Variants in KSR2 observed in about 807,000 individuals in gnomAD.
The protein encoded by KSR2 is kinase suppressor of ras 2.
In KSR2, 25 loss-of-function variants were observed where a neutral mutation model predicts 107.8. That is an observed-to-expected ratio of 0.23 (90% confidence interval 0.17 to 0.32). The LOEUF is 0.32. Ranked by LOEUF, KSR2 falls within the 10% of genes least tolerant of loss-of-function variation. The pLI, the probability that KSR2 is intolerant of heterozygous loss-of-function variation, is 1.00. For synonymous variants in KSR2, 480 were observed against 507.0 expected (o/e 0.95, Z 0.71); for missense variants, 887 against 1,268.9 (o/e 0.70, Z 4.57).
At position 117,936,521 on chromosome 12, in the gene KSR2, TTATTATTATTATTAGTAGTAGTAG is replaced by T. The variant is rs1257128454; in HGVS notation, c.180+31531_180+31554del. On this transcript the variant is annotated intron_variant, in intron 1 of 19. Transcript: ENST00000339824. ...TATCATTATTATTATTTTATTATTATTATTATTATTATTAGTAGTAGTAGTAGTAGTAGTAGTAGTAGTAGTAGT... is the reference window on the plus strand; with the variant it reads ...TATCATTATTATTATTTTATTATTATTAGTAGTAGTAGTAGTAGTAGTAGT... Among the ~76,000 whole-genome samples, 49 of 46,752 alleles carry T rather than the reference TTATTATTATTATTAGTAGTAGTAG, an allele frequency of 1.0e-3. 1 individual carries two copies. In the South Asian group the frequency reaches 0.033, roughly 32 times the overall value. 30.7% of individuals were successfully genotyped at this position (46,752 alleles called of 152,430 possible).
At chr12:117,803,595 C>G (rs922452409) in intron 3 of KSR2, among the ~76,000 whole-genome samples, 1 of 152,006 alleles carries the variant, frequency 6.6e-6, no homozygotes, top group Non-Finnish European at 1.5e-5. Context: ...CCCAGCTACT[C>G]GGTAGGCTGA....
intron 3 of KSR2, among the ~76,000 whole-genome samples, chr12:117,809,930 G>A (rs933605181): frequency 6.6e-6 from 1 of 152,216 alleles, no homozygotes; most frequent in African/African-American, 2.4e-5. Flanking sequence ...GATTCAGAAA[G>A]CAGAAAGTGA....
At chr12:117,580,516 C>T (rs1013758717) in intron 6 of KSR2, among the ~76,000 whole-genome samples, 7 of 152,202 alleles carry the variant, frequency 4.6e-5, no homozygotes, top group African/African-American at 1.7e-4. Flanking sequence ...TCAGCTCTGC[C>T]TCTTCCCCAG....
Position 117,530,988 on chromosome 12 carries a change from C to T in KSR2, c.1755G>A (p.Pro585=), listed in dbSNP as rs200159279. 1,413 of 1,613,580 alleles carry T rather than the reference C, an allele frequency of 8.8e-4. 5 individuals carry two copies. The highest frequency in any genetic ancestry group is 5.0e-3 in the South Asian group (456 of 91,000). The part of the protein sequence containing the change: ...FPDVVPVPET[P]TRAPQVILHP... ...GCAGGATGACCTGGGGCGCCCGGGT[C>T]GGCGTCTCCGGCACCGGCACCACAT... Residue 585 remains proline (P), a synonymous_variant, in exon 12 of 20, where the codon CCG becomes CCA. Coordinates refer to ENST00000339824, the MANE Select transcript of KSR2 (RefSeq NM_173598.6).
chr12:117,824,962 T>A (rs558260979), intron 3 of KSR2, among the ~76,000 whole-genome samples: 1 of 151,654 alleles, frequency 6.6e-6, no homozygotes, highest in African/African-American at 2.4e-5. Context: ...GGTGGATCAC[T>A]TGAGGTCAGG....
At chr12:117,617,223 A>C (rs774067289) in intron 5 of KSR2, among the ~76,000 whole-genome samples, 1 of 152,258 alleles carries the variant, frequency 6.6e-6, no homozygotes, top group Non-Finnish European at 1.5e-5. Flanking sequence ...AGTTGCACAC[A>C]TTCTTTTCAG....
intron 5 of KSR2, among the ~76,000 whole-genome samples, chr12:117,593,004 T>C (rs982446653): frequency 1.3e-5 from 2 of 152,128 alleles, no homozygotes; most frequent in African/African-American, 4.8e-5. Context: ...AATTTCCCCT[T>C]GATATAATTT....
At chr12:117,836,118 C>T (rs1369605964) in intron 3 of KSR2, among the ~76,000 whole-genome samples, 10 of 151,928 alleles carry the variant, frequency 6.6e-5, no homozygotes, top group Admixed American at 5.9e-4. Context: ...AAGAAGATTG[C>T]GATTGGGTGC....
At chr12:117,651,137 A>G (rs1184307809) in intron 5 of KSR2, among the ~76,000 whole-genome samples, 2 of 152,228 alleles carry the variant, frequency 1.3e-5, no homozygotes, top group Non-Finnish European at 2.9e-5. Flanking sequence ...CAACTTCCCC[A>G]TCCCCAGAAA....
intron 3 of KSR2, among the ~76,000 whole-genome samples, chr12:117,853,556 G>T (rs568669393): frequency 6.6e-6 from 1 of 152,098 alleles, no homozygotes; most frequent in South Asian, 2.1e-4. Flanking sequence ...TGCCCAGGCT[G>T]GTCTCAAACT....
At chr12:117,632,547 T>C (rs1882859134) in intron 5 of KSR2, among the ~76,000 whole-genome samples, 1 of 152,106 alleles carries the variant, frequency 6.6e-6, no homozygotes, top group Non-Finnish European at 1.5e-5. Context: ...TTTCTAGCTT[T>C]GATTTCAGGT....
intron 10 of KSR2, among the ~76,000 whole-genome samples, chr12:117,533,716 T>C (rs1875828046): frequency 6.6e-6 from 1 of 152,062 alleles, no homozygotes; most frequent in African/African-American, 2.4e-5. Context: ...CTGACAGTGA[T>C]GGGGGATTCA....
chr12:117,729,003 T>C (rs1887555597), intron 4 of KSR2, among the ~76,000 whole-genome samples: 1 of 152,208 alleles, frequency 6.6e-6, no homozygotes, highest in Non-Finnish European at 1.5e-5. Context: ...TGGTACTCCA[T>C]AAATGCGAGT....
chr12:117,859,888 C>T (rs551663990), intron 2 of KSR2, among the ~76,000 whole-genome samples: 2 of 152,352 alleles, frequency 1.3e-5, no homozygotes, highest in South Asian at 2.1e-4. Context: ...ATGGCAGCCA[C>T]GGGCCCCATT....
In KSR2 at chr12:117,967,616, T is replaced by C. The variant is rs1896837415; in HGVS notation, c.180+460A>G. 2.0e-5 allele frequency among the ~76,000 whole-genome samples: 3 copies of C among 152,252 alleles called. No homozygotes were observed. The South Asian group carries it at 6.2e-4, about 32-fold the overall frequency. ...TCTACACTGACAGGCGGCCCCATTC[T>C]GTGAGCAAAAACCACCTTTTGACCA... On this transcript the variant is annotated intron_variant, in intron 1 of 19. Coordinates refer to ENST00000339824, the MANE Select transcript of KSR2 (RefSeq NM_173598.6).
chr12:117,526,216 T>C (rs1875150539), intron 13 of KSR2, among the ~76,000 whole-genome samples: 1 of 152,206 alleles, frequency 6.6e-6, no homozygotes, highest in Non-Finnish European at 1.5e-5. Flanking sequence ...TCAGGCGTAC[T>C]TCGGCGTAAC....
At chr12:117,731,573 T>G (rs975972683) in intron 4 of KSR2, among the ~76,000 whole-genome samples, 3 of 152,166 alleles carry the variant, frequency 2.0e-5, no homozygotes, top group African/African-American at 7.2e-5. Context: ...ATGATAACGA[T>G]GGCGGTTTTG....
chr12:117,586,324 C>A (rs1309775858), intron 5 of KSR2, among the ~76,000 whole-genome samples: 1 of 152,088 alleles, frequency 6.6e-6, no homozygotes, highest in East Asian at 1.9e-4. Context: ...CGGTGACTCA[C>A]ACCTGTAATC....
At chr12:117,826,609 C>T (rs1219404846) in intron 3 of KSR2, among the ~76,000 whole-genome samples, 1 of 152,106 alleles carries the variant, frequency 6.6e-6, no homozygotes, top group Non-Finnish European at 1.5e-5. Flanking sequence ...GCAAGAGACA[C>T]ATGAAGTGTG....
Sources: allele counts gnomAD v4.1 joint callset (sites outside exome capture counted in the v4.1 genomes callset), GRCh38; gene constraint gnomAD v4.1.1; transcripts MANE v1.5; gene names NCBI Gene and HGNC (gene_info 2026-07-23, HGNC 2026-07-21).